Variants in TRAPPC13 observed in about 807,000 individuals in gnomAD.
The protein encoded by TRAPPC13 is trafficking protein particle complex subunit 13.
A neutral mutation model predicts 54.0 loss-of-function variants in TRAPPC13; 39 were observed. The ratio of observed to expected loss-of-function variants is 0.72; its 90% CI spans 0.56 to 0.94. TRAPPC13 has a LOEUF of 0.94. TRAPPC13 is among the 40% of genes least tolerant of loss of function. The pLI is 0.00. For synonymous variants in TRAPPC13, 148 were observed against 167.7 expected, an observed-to-expected ratio of 0.88 and a Z score of 0.91; for missense variants, 386 against 488.1, an observed-to-expected ratio of 0.79 and a Z score of 1.97.
intron 1 of TRAPPC13, among the ~76,000 whole-genome samples, chr5:65,631,820 C>G (rs1194785437): frequency 1.3e-5 from 2 of 151,460 alleles, no homozygotes; most frequent in African/African-American, 4.9e-5. Flanking sequence ...TCATGAAAAA[C>G]TAAGCTTTAT....
intron 6 of TRAPPC13, among the ~76,000 whole-genome samples, 153 bp from the exon 7 acceptor site, chr5:65,652,339 CTTTTTTTTT>C (rs11354403): frequency 2.6e-5 from 3 of 116,234 alleles, no homozygotes; most frequent in African/African-American, 3.1e-5. Context: ...TTTTTCTTTT[CTTTTTTTTT>C]TTTTTTTTGG....
chr5:65,637,885 G>C, intron 4 of TRAPPC13, 105 bp downstream of exon 4: 2 of 511,544 alleles, frequency 3.9e-6, no homozygotes, highest in East Asian at 4.5e-5. Context: ...TTAGGAGGCT[G>C]AAGCAGGTGG....
At chr5:65,658,911 G>A (rs1443809447) in intron 9 of TRAPPC13, among the ~76,000 whole-genome samples, 1 of 151,764 alleles carries the variant, frequency 6.6e-6, no homozygotes, top group African/African-American at 2.4e-5. Context: ...GTAGAGATGG[G>A]GTTTCACCAT....
At position 65,655,668 on chromosome 5, in the gene TRAPPC13, T is replaced by C. The variant is rs565421564; in HGVS notation, c.564+15T>C. 2.4e-6 allele frequency: 2 copies of C among 840,368 alleles called. No individual in the cohort carries two copies. Among genetic ancestry groups the C allele is most frequent in the Non-Finnish European group, 3.3e-6 (2 of 603,702 alleles). The allele number at this position is 840,368 out of a possible 1,614,324, so 52.1% of individuals were successfully genotyped here. A position where few individuals can be genotyped will look rare whatever the true frequency, so the allele number is the denominator to read the frequency against. On this transcript the variant is annotated intron_variant, in intron 8 of 12. Transcript: ENST00000399438. ...TCAGTTCTGTGGTAATTTGATTTTT[T>C]ATTATAAATTTTTATACTTTTCTTA...
chr5:65,652,410 A>ATGAC, intron 6 of TRAPPC13, 91 bp from the exon 7 acceptor site: 1 of 852,520 alleles, frequency 1.2e-6, no homozygotes, highest in South Asian at 1.8e-5. Flanking sequence ...AAATTGGAAA[A>ATGAC]TGACTGACAA....
Position 65,664,624 on chromosome 5 carries a change from A to C in TRAPPC13, c.*13A>C. 1 of 1,593,536 alleles carries C rather than the reference A, an allele frequency of 6.3e-7. No individual in the cohort carries two copies. The highest frequency in any genetic ancestry group is 8.6e-7 in the Non-Finnish European group (1 of 1,163,882). ...AGTGGAAAGCTGAAGGAAACTTCCA[A>C]TGTTAGGCTTTTCATTTAGTTTCAC... On this transcript the variant is annotated 3_prime_UTR_variant, in exon 13 of 13. Transcript: ENST00000399438.
intron 1 of TRAPPC13, chr5:65,630,163 T>C (rs1221648881): frequency 6.5e-7 from 1 of 1,536,022 alleles, no homozygotes. Flanking sequence ...ATCAAATTAT[T>C]AGGCACAATG....
At chr5:65,638,766 G>A (rs1443476528) in intron 4 of TRAPPC13, among the ~76,000 whole-genome samples, 1 of 152,192 alleles carries the variant, frequency 6.6e-6, no homozygotes, top group Non-Finnish European at 1.5e-5. Context: ...GAGAGCTTGT[G>A]CGGGGAAACT....
At chr5:65,652,664 GA>G (rs558198373) in intron 7 of TRAPPC13, 119 bp downstream of exon 7, 3 of 782,494 alleles carry the variant, frequency 3.8e-6, no homozygotes, top group Admixed American at 1.9e-5. Flanking sequence ...TAAATTATTT[GA>G]AAAAATCACA....
At chr5:65,646,991 A>T (rs1416878228) in intron 4 of TRAPPC13, 64 bp from the exon 5 acceptor site, 2 of 1,436,460 alleles carry the variant, frequency 1.4e-6, no homozygotes, top group East Asian at 5.0e-5. Context: ...ACTCATAGCC[A>T]TGCACACCCT....
At chr5:65,626,684 C>G (rs528646383) in intron 1 of TRAPPC13, among the ~76,000 whole-genome samples, 43 of 151,680 alleles carry the variant, frequency 2.8e-4, no homozygotes, top group Non-Finnish European at 1.6e-4. Context: ...TGCAGTGATC[C>G]GAGATCACGC....
intron 9 of TRAPPC13, among the ~76,000 whole-genome samples, 197 bp downstream of exon 9, chr5:65,658,698 G>C (rs1756740953): frequency 7.0e-6 from 1 of 142,636 alleles, no homozygotes; most frequent in Non-Finnish European, 1.5e-5. Context: ...TTTACGTCTT[G>C]TTTTTTATTT....
chr5:65,635,369 G>T lies in TRAPPC13; in HGVS notation c.115G>T (p.Gly39Ter), dbSNP rs755259578. 6.2e-7 allele frequency: 1 copy of T among 1,612,016 alleles called. No individual in the cohort carries two copies. ...AACATGTGAAGAGAAAGACTTACCTGGTATGGCACATGCTTTCCTCTATTT... is the reference window on the plus strand; with the variant it reads ...AACATGTGAAGAGAAAGACTTACCTTGTATGGCACATGCTTTCCTCTATTT... ...PVTCEEKDLP[G>*]DLFNQLMRDD... Residue 39 changes from glycine to a stop codon, truncating the protein, a stop_gained and splice_region_variant, in exon 2 of 13, where the codon GGA becomes TGA. Transcript: ENST00000399438. LOFTEE classifies it high-confidence loss of function.
chr5:65,635,865 T>C (rs1755725816), intron 2 of TRAPPC13, 79 bp from the exon 3 acceptor site: 4 of 833,920 alleles, frequency 4.8e-6, no homozygotes, highest in Non-Finnish European at 7.2e-6. Flanking sequence ...TTAAAATATC[T>C]CTCCCAGCTA....
intron 9 of TRAPPC13, among the ~76,000 whole-genome samples, chr5:65,659,967 CAAAAAAAA>C (rs141876171): frequency 1.1e-3 from 102 of 95,232 alleles, no homozygotes; most frequent in East Asian, 4.8e-3. Flanking sequence ...GTATTTTAAA[CAAAAAAAA>C]AAAAAAAAAA....
At chr5:65,637,355 G>GGCA (rs896074804) in intron 3 of TRAPPC13, among the ~76,000 whole-genome samples, 31 of 152,284 alleles carry the variant, frequency 2.0e-4, no homozygotes, top group African/African-American at 7.5e-4. Flanking sequence ...AAACCTGATG[G>GGCA]GCACAGTGGC....
chr5:65,635,533 A>C (rs1273976424), intron 2 of TRAPPC13, among the ~76,000 whole-genome samples, 164 bp downstream of exon 2: 4 of 152,340 alleles, frequency 2.6e-5, no homozygotes, highest in Admixed American at 1.3e-4. Flanking sequence ...TCTGAGTAAC[A>C]GGCCTTACTT....
intron 9 of TRAPPC13, among the ~76,000 whole-genome samples, chr5:65,659,987 AAAAGAAG>A (rs1756793746): frequency 4.1e-5 from 6 of 147,140 alleles, no homozygotes; most frequent in African/African-American, 1.3e-4. Context: ...AAAAAAAAAA[AAAAGAAG>A]AAGAAGAAGA....
chr5:65,646,303 G>T (rs1581221568), intron 4 of TRAPPC13, among the ~76,000 whole-genome samples: 1 of 152,248 alleles, frequency 6.6e-6, no homozygotes, highest in Non-Finnish European at 1.5e-5. Context: ...TTCTTAGTTG[G>T]TGGCTTTAAT....
Sources: allele counts gnomAD v4.1 joint callset (sites outside exome capture counted in the v4.1 genomes callset), GRCh38; gene constraint gnomAD v4.1.1; transcripts MANE v1.5; gene names NCBI Gene and HGNC (gene_info 2026-07-23, HGNC 2026-07-21).